The following SNX13 variants were observed in gnomAD, a reference collection of about 807,000 sequenced individuals.
SNX13 encodes the protein sorting nexin 13.
A neutral mutation model predicts 133.6 loss-of-function variants in SNX13; 45 were observed. That is an observed-to-expected ratio of 0.34 (90% CI 0.27 to 0.43). The LOEUF (loss-of-function observed/expected upper bound fraction) is 0.43, where lower values mean the gene tolerates loss of function less well. Ranked by LOEUF, SNX13 falls within the 20% of genes least tolerant of loss-of-function variation. The pLI, the probability that SNX13 is intolerant of heterozygous loss-of-function variation, is 1.00. For missense variants in SNX13, 1,032 were observed against 1,145.1 expected (o/e 0.90, Z 1.43); for synonymous variants, 414 against 373.9 (o/e 1.11, Z -1.24).
chr7:17,926,835 G>A (rs1472807390), intron 1 of SNX13, among the ~76,000 whole-genome samples: 2 of 152,148 alleles, frequency 1.3e-5, no homozygotes, highest in Non-Finnish European at 1.5e-5. Flanking sequence ...GCAGTGAGCC[G>A]TGTTCGTGCT....
chr7:17,800,318 A>G (rs1784477995), intron 22 of SNX13, among the ~76,000 whole-genome samples: 1 of 150,358 alleles, frequency 6.7e-6, no homozygotes, highest in Non-Finnish European at 1.5e-5. Flanking sequence ...TAGAAACAGA[A>G]AGGAGATAAT....
intron 1 of SNX13, chr7:17,900,055 C>G (rs1271780888): frequency 6.6e-6 from 1 of 152,182 alleles, no homozygotes; most frequent in Non-Finnish European, 1.5e-5. Context: ...AATGTTGTGG[C>G]TCTGAAAGAC....
At chr7:17,922,797 C>T (rs1800272351) in intron 1 of SNX13, among the ~76,000 whole-genome samples, 3 of 152,100 alleles carry the variant, frequency 2.0e-5, no homozygotes, top group Admixed American at 6.6e-5. Context: ...GGCAGAAAAA[C>T]ATAATTCACA....
At chr7:17,919,357 G>A (rs1425901310) in intron 1 of SNX13, among the ~76,000 whole-genome samples, 2 of 152,098 alleles carry the variant, frequency 1.3e-5, no homozygotes, top group Non-Finnish European at 2.9e-5. Context: ...ACATACTATA[G>A]CAAAGTCAAA....
At chr7:17,917,179 C>T (rs1799652889) in intron 1 of SNX13, among the ~76,000 whole-genome samples, 1 of 152,086 alleles carries the variant, frequency 6.6e-6, no homozygotes, top group South Asian at 2.1e-4. Flanking sequence ...ATAGTAAGAG[C>T]CATCTATGAC....
intron 9 of SNX13, among the ~76,000 whole-genome samples, chr7:17,856,708 CAT>C (rs1791930296): frequency 6.8e-6 from 1 of 147,410 alleles, no homozygotes; most frequent in Admixed American, 6.9e-5. Flanking sequence ...GGGAGGATCA[CAT>C]GAGCCTGGTT....
chr7:17,937,022 A>G (rs1457870092), intron 1 of SNX13, among the ~76,000 whole-genome samples: 4 of 148,290 alleles, frequency 2.7e-5, no homozygotes, highest in African/African-American at 1.0e-4. Context: ...AAATAAAATA[A>G]AAAAAAAAAA....
chr7:17,844,672 G>A (rs1372877323), intron 12 of SNX13, among the ~76,000 whole-genome samples: 22 of 150,914 alleles, frequency 1.5e-4, no homozygotes, highest in Admixed American at 1.5e-3. Flanking sequence ...AACAAATTCA[G>A]CAGCATATTA....
Position 17,817,342 on chromosome 7 carries a change from A to T in SNX13, c.1846-1053T>A, listed in dbSNP as rs184125064. Among the ~76,000 whole-genome samples, 18 of 152,360 alleles carry T rather than the reference A, an allele frequency of 1.2e-4. No homozygotes were observed. The East Asian group carries it at 3.3e-3, about 28-fold the overall frequency. On this transcript the variant is annotated intron_variant, in intron 18 of 25. Coordinates refer to ENST00000428135, the MANE Select transcript of SNX13 (RefSeq NM_015132.5). ...GACCAACAGCCTAGTGCTGAAATTCAAACAGCCTTACCACTTTTCCCTTGT... is the reference window on the plus strand; with the variant it reads ...GACCAACAGCCTAGTGCTGAAATTCTAACAGCCTTACCACTTTTCCCTTGT...
At chr7:17,808,095 A>G (rs1785532225) in intron 20 of SNX13, among the ~76,000 whole-genome samples, 1 of 152,222 alleles carries the variant, frequency 6.6e-6, no homozygotes, top group Non-Finnish European at 1.5e-5. Flanking sequence ...ACAAAACTGG[A>G]TGGAGAATGA....
Position 17,870,731 on chromosome 7 carries a change from A to G in SNX13, c.754-2241T>C, listed in dbSNP as rs116953014. On this transcript the variant is annotated intron_variant, in intron 8 of 25. Transcript: ENST00000428135. Reference sequence around the variant, plus strand: ...AAGTATCACGTTAAGCACTAAGTATATATTTATGATAAATACAGATATAAT... The same window carrying G: ...AAGTATCACGTTAAGCACTAAGTATGTATTTATGATAAATACAGATATAAT... 9.1e-3 allele frequency among the ~76,000 whole-genome samples: 1,382 copies of G among 152,346 alleles called. 7 individuals carry two copies. The highest frequency in any genetic ancestry group is 0.014 in the Non-Finnish European group (941 of 68,032).
At chr7:17,915,198 T>C (rs1799409759) in intron 1 of SNX13, among the ~76,000 whole-genome samples, 3 of 152,162 alleles carry the variant, frequency 2.0e-5, no homozygotes, top group Admixed American at 6.6e-5. Context: ...CACCCAACAT[T>C]GGAGCACCCA....
intron 1 of SNX13, among the ~76,000 whole-genome samples, chr7:17,904,181 G>A (rs1404317887): frequency 6.6e-6 from 1 of 152,180 alleles, no homozygotes; most frequent in Non-Finnish European, 1.5e-5. Context: ...TTTATGATAG[G>A]AAAGGCAGCA....
At chr7:17,846,612 A>T (rs1790558035) in intron 11 of SNX13, among the ~76,000 whole-genome samples, 1 of 152,198 alleles carries the variant, frequency 6.6e-6, no homozygotes, top group African/African-American at 2.4e-5. Flanking sequence ...TGCCATATTC[A>T]GAGGCAGATA....
chr7:17,853,985 T>C (rs1791569430), intron 9 of SNX13, among the ~76,000 whole-genome samples: 1 of 150,898 alleles, frequency 6.6e-6, no homozygotes, highest in Non-Finnish European at 1.5e-5. Flanking sequence ...GAAAAGAAAA[T>C]TGGCAATACA....
chr7:17,845,565 G>T, intron 12 of SNX13, 30 bp downstream of exon 12: 2 of 1,356,494 alleles, frequency 1.5e-6, no homozygotes, highest in Non-Finnish European at 2.0e-6. Flanking sequence ...TTCAATGGCT[G>T]TATCATTTAA....
At chr7:17,922,692 T>A (rs1393685947) in intron 1 of SNX13, among the ~76,000 whole-genome samples, 1 of 152,070 alleles carries the variant, frequency 6.6e-6, no homozygotes, top group Non-Finnish European at 1.5e-5. Context: ...GCAACTACTA[T>A]CTTCAGAGCA....
At chr7:17,929,269 T>C (rs952351584) in intron 1 of SNX13, among the ~76,000 whole-genome samples, 9 of 152,086 alleles carry the variant, frequency 5.9e-5, no homozygotes, top group Non-Finnish European at 1.2e-4. Context: ...TAAAGGACCT[T>C]AATGGCATAA....
At chr7:17,810,240 G>T (rs1227685609) in intron 20 of SNX13, among the ~76,000 whole-genome samples, 1 of 151,868 alleles carries the variant, frequency 6.6e-6, no homozygotes, top group Non-Finnish European at 1.5e-5. Context: ...TAATAAAGAA[G>T]AAAAGAGAAG....
Sources: gnomAD v4.1 joint callset for allele counts (sites outside exome capture counted in the v4.1 genomes callset) on GRCh38, gnomAD v4.1.1 for gene constraint, MANE v1.5 for transcripts, NCBI Gene and HGNC (gene_info 2026-07-23, HGNC 2026-07-21) for gene names.